The following CASZ1 variants were observed in gnomAD, a reference collection of about 807,000 sequenced individuals.
CASZ1 encodes castor zinc finger 1.
Under a neutral mutation model 135.2 loss-of-function variants are expected in CASZ1, and 28 were observed. The ratio of observed to expected loss-of-function variants is 0.21; its 90% CI spans 0.15 to 0.28. The LOEUF (loss-of-function observed/expected upper bound fraction) is 0.28. Among genes scored for constraint, CASZ1 ranks in the 10% least tolerant of loss-of-function variants. The pLI, the probability that CASZ1 is intolerant of heterozygous loss-of-function variation, is 1.00. For missense variants in CASZ1, 2,161 were observed against 2,453.3 expected (o/e 0.88, Z 2.52); for synonymous variants, 1,068 against 1,073.4 (o/e 0.99, Z 0.10).
chr1:10,746,003 C>A (rs1640033278), intron 2 of CASZ1, among the ~76,000 whole-genome samples: 1 of 152,246 alleles, frequency 6.6e-6, no homozygotes, highest in South Asian at 2.1e-4. Context: ...TGCCACTAAG[C>A]AGTGCAGAGG....
intron 4 of CASZ1, among the ~76,000 whole-genome samples, chr1:10,673,616 C>T (rs574378754): frequency 5.8e-4 from 88 of 152,318 alleles, no homozygotes; most frequent in Non-Finnish European, 1.0e-3. Flanking sequence ...TACCCATGCA[C>T]GCAGTCAAAG....
Position 10,774,558 on chromosome 1 carries a change from C to G in CASZ1, c.-233-13701G>C, listed in dbSNP as rs1389761316. 1.4e-4 allele frequency among the ~76,000 whole-genome samples: 3 copies of G among 21,050 alleles called. No homozygotes were observed. The highest frequency in any genetic ancestry group is 3.1e-4 in the African/African-American group (3 of 9,704). The allele number at this position is 21,050 out of a possible 152,430, so 13.8% of individuals were successfully genotyped here. A position where few individuals can be genotyped will look rare whatever the true frequency, so the allele number is the denominator to read the frequency against. ...TGATCCCAAGAAATCCCATCCATAGCCCCCCCGATCCAAAAGGATCACCAG... is the reference window on the plus strand; with the variant it reads ...TGATCCCAAGAAATCCCATCCATAGGCCCCCCGATCCAAAAGGATCACCAG... On this transcript the variant is annotated intron_variant, in intron 1 of 20. Coordinates refer to ENST00000377022, the MANE Select transcript of CASZ1 (RefSeq NM_001079843.3). This position sits in a 1 kb window ranked among gnomAD's most constrained non-coding sequence, Gnocchi z 4.4.
At position 10,741,020 on chromosome 1, in the gene CASZ1, T is replaced by A. The variant is rs565984533; in HGVS notation, c.-77+19681A>T. The stretch of plus-strand genomic sequence containing the variant: ...AACACTTAGATTTTTTTTTTGACAG[T>A]CTTACTCTGTTGCCTAGGCTGGAGA... On this transcript the variant is annotated intron_variant, in intron 2 of 20. Transcript: ENST00000377022. The surrounding 1 kb of genome is among the most constrained non-coding windows in gnomAD (Gnocchi z 5.0). Among the ~76,000 whole-genome samples, 13 of 146,506 alleles carry A rather than the reference T, an allele frequency of 8.9e-5. No individual in the cohort carries two copies. In the South Asian group the frequency reaches 2.8e-3, roughly 32 times the overall value.
At chr1:10,644,690 C>T (rs560015866) in intron 18 of CASZ1, among the ~76,000 whole-genome samples, 85 of 152,314 alleles carry the variant, frequency 5.6e-4, no homozygotes, top group South Asian at 1.9e-3. Flanking sequence ...GGTGGAGGGG[C>T]GGTGCCCTGC....
At position 10,647,845 on chromosome 1, in the gene CASZ1, G is replaced by A. The variant is rs757289237; in HGVS notation, c.3453C>T (p.Asn1151=). 6.2e-6 allele frequency: 10 copies of A among 1,613,932 alleles called. No individual in the cohort carries two copies. Among genetic ancestry groups the A allele is most frequent in the East Asian group, 2.2e-5 (1 of 44,884 alleles). ...ASPLATTSLE[N]AKPQVKPGFL... is the part of the protein sequence containing the mutation. ...ATCCGGGTTTGACCTGGGGCTTGGC[G>A]TTCTCTAGAGAAGTCGTTGCCAAGG... The change falls in exon 16 of 21, where the codon AAC becomes AAT. Residue 1151 remains asparagine, a synonymous_variant. Coordinates refer to ENST00000377022, the MANE Select transcript of CASZ1 (RefSeq NM_001079843.3). The surrounding 1 kb of genome is among the most constrained non-coding windows in gnomAD (Gnocchi z 4.9).
rs1189812210 is a variant in CASZ1, at chr1:10,649,685, G to A, written c.2881-248C>T. ...GCTCCTCCACATGAGCCCGTGCCGC[G>A]GGATCCATCACTCAAGCCGAGGCCG... is the stretch of plus-strand genomic sequence containing the variant. On this transcript the variant is annotated intron_variant, in intron 13 of 20. Transcript: ENST00000377022. 52 of 480,054 alleles carry A rather than the reference G, an allele frequency of 1.1e-4. No individual in the cohort carries two copies. In the East Asian group the frequency reaches 1.2e-3, roughly 11 times the overall value. The allele number at this position is 480,054 out of a possible 1,614,324, so 29.7% of individuals were successfully genotyped here. A position where few individuals can be genotyped will look rare whatever the true frequency, so the allele number is the denominator to read the frequency against.
At chr1:10,732,814 G>C (rs1557538803) in intron 2 of CASZ1, among the ~76,000 whole-genome samples, 1 of 152,214 alleles carries the variant, frequency 6.6e-6, no homozygotes, top group East Asian at 1.9e-4. Flanking sequence ...TGCCCCATCA[G>C]GGCATAAGGA....
chr1:10,646,058 T>C lies in CASZ1; in HGVS notation c.3696+70A>G. On this transcript the variant is annotated intron_variant, in intron 17 of 20. Transcript: ENST00000377022. This position sits in a 1 kb window ranked among gnomAD's most constrained non-coding sequence, Gnocchi z 6.4. ...AGCCTCTGCCAGGAGGTGACTGTCCTGTGCCCTGAGCTAGCCCTGCACCTC... is the reference window on the plus strand; with the variant it reads ...AGCCTCTGCCAGGAGGTGACTGTCCCGTGCCCTGAGCTAGCCCTGCACCTC... 1 of 1,461,578 alleles carries C rather than the reference T, an allele frequency of 6.8e-7. No homozygotes were observed. The highest frequency in any genetic ancestry group is 1.2e-5 in the South Asian group (1 of 86,766). The allele number at this position is 1,461,578 out of a possible 1,614,324, so 90.5% of individuals were successfully genotyped here.
rs1203960828 is a variant in CASZ1, at chr1:10,721,420, T to C, written c.-76-15876A>G. ...GCAGGAGAGGATTTATTTGTGACAT[T>C]CTGTCTGGGTGAGAGAAAACAAAAA... On this transcript the variant is annotated intron_variant, in intron 2 of 20. Transcript: ENST00000377022. This position sits in a 1 kb window ranked among gnomAD's most constrained non-coding sequence, Gnocchi z 5.4. 6.6e-6 allele frequency among the ~76,000 whole-genome samples: 1 copy of C among 152,252 alleles called. No homozygotes were observed. Among genetic ancestry groups the C allele is most frequent in the Admixed American group, 6.5e-5 (1 of 15,292 alleles).
Position 10,735,245 on chromosome 1 carries a change from T to G in CASZ1, c.-77+25456A>C, listed in dbSNP as rs1358692715. ...TTACATCTCAAATTAACAATGCAAG[T>G]GTGGTGAAATTAAATATAAATCATA... On this transcript the variant is annotated intron_variant, in intron 2 of 20. Transcript: ENST00000377022. This position sits in a 1 kb window ranked among gnomAD's most constrained non-coding sequence, Gnocchi z 5.1. Among the ~76,000 whole-genome samples the G allele has an allele frequency of 6.6e-6, 1 of 152,158 alleles. No homozygotes were observed.
In CASZ1 at chr1:10,657,741, G is replaced by A. The variant is rs939019338; in HGVS notation, c.1409+767C>T. Among the ~76,000 whole-genome samples the A allele has an allele frequency of 6.7e-6, 1 of 149,240 alleles. No homozygotes were observed. The highest frequency in any genetic ancestry group is 2.5e-5 in the African/African-American group (1 of 40,340). Reference sequence around the variant, plus strand: ...CGGGCGGGAGGAACCTGGAAGATCTGCGGACAGACAGGCGCCAGCCGCTGG... The same window carrying A: ...CGGGCGGGAGGAACCTGGAAGATCTACGGACAGACAGGCGCCAGCCGCTGG... On this transcript the variant is annotated intron_variant, in intron 7 of 20. Coordinates refer to ENST00000377022, the MANE Select transcript of CASZ1 (RefSeq NM_001079843.3). This position sits in a 1 kb window ranked among gnomAD's most constrained non-coding sequence, Gnocchi z 5.7.
chr1:10,766,001 C>T (rs1339488233), intron 1 of CASZ1, among the ~76,000 whole-genome samples: 3 of 152,144 alleles, frequency 2.0e-5, no homozygotes, highest in East Asian at 1.9e-4. Flanking sequence ...CAGAGGGAGA[C>T]GGATATCCAT....
intron 6 of CASZ1, among the ~76,000 whole-genome samples, chr1:10,658,890 G>T (rs1642899296): frequency 6.6e-6 from 1 of 152,206 alleles, no homozygotes; most frequent in Non-Finnish European, 1.5e-5. Context: ...TGGCTGAGGG[G>T]CACCAGGCCT....
Position 10,727,632 on chromosome 1 carries a change from A to G in CASZ1, c.-76-22088T>C, listed in dbSNP as rs112222136. ...CTTTCCCAAGGTGCCAGGAGTTACA[A>G]TAGGAACTTCTGCCTTCCCACCATG... On this transcript the variant is annotated intron_variant, in intron 2 of 20. Transcript: ENST00000377022. The surrounding 1 kb of genome is among the most constrained non-coding windows in gnomAD (Gnocchi z 5.3). Among the ~76,000 whole-genome samples the G allele has an allele frequency of 5.9e-5, 9 of 152,290 alleles. 1 individual carries two copies. Among genetic ancestry groups the G allele is most frequent in the East Asian group, 3.9e-4 (2 of 5,166 alleles).
intron 2 of CASZ1, among the ~76,000 whole-genome samples, chr1:10,745,882 C>G (rs1362491685): frequency 6.6e-6 from 1 of 152,212 alleles, no homozygotes; most frequent in Admixed American, 6.5e-5. Flanking sequence ...TGATCATGAG[C>G]TCCTATTCAA....
chr1:10,752,699 C>T (rs962183640), intron 2 of CASZ1, among the ~76,000 whole-genome samples: 1 of 152,192 alleles, frequency 6.6e-6, no homozygotes, highest in African/African-American at 2.4e-5. Flanking sequence ...TTAGGGCTGC[C>T]AGAGAAAATA....
chr1:10,770,304 T>C (rs1380157901), intron 1 of CASZ1, among the ~76,000 whole-genome samples: 2 of 152,068 alleles, frequency 1.3e-5, no homozygotes, highest in Non-Finnish European at 2.9e-5. Flanking sequence ...AGGAGTTTCT[T>C]GAACTCCTGA....
Position 10,794,181 on chromosome 1 carries a change from G to A in CASZ1, c.-234+2383C>T, listed in dbSNP as rs113686645. Among the ~76,000 whole-genome samples, 3 of 138,132 alleles carry A rather than the reference G, an allele frequency of 2.2e-5. No individual in the cohort carries two copies. The highest frequency in any genetic ancestry group is 1.0e-4 in the African/African-American group (3 of 29,504). The allele number at this position is 138,132 out of a possible 152,430, so 90.6% of individuals were successfully genotyped here. The stretch of plus-strand genomic sequence containing the variant: ...TGCGTGTTTGTATGTGTATGCGTGT[G>A]TGTGTGTGTGTGTGTGTGCGCGCGC... On this transcript the variant is annotated intron_variant, in intron 1 of 20. Coordinates refer to ENST00000377022, the MANE Select transcript of CASZ1 (RefSeq NM_001079843.3). This position sits in a 1 kb window ranked among gnomAD's most constrained non-coding sequence, Gnocchi z 5.6.
In CASZ1 at chr1:10,694,644, G is replaced by C. The variant is rs1638879080; in HGVS notation, c.-23-732C>G. Among the ~76,000 whole-genome samples the C allele has an allele frequency of 7.0e-6, 1 of 143,098 alleles. No individual in the cohort carries two copies. Among genetic ancestry groups the C allele is most frequent in the African/African-American group, 2.5e-5 (1 of 39,774 alleles). The allele number at this position is 143,098 out of a possible 152,430, so 93.9% of individuals were successfully genotyped here. ...CGCCCGGTGCGCCCGCCCGCCGCCC[G>C]CCGCCCGGTGCCGGAGTGAATGGGC... On this transcript the variant is annotated intron_variant, in intron 3 of 20. Coordinates refer to ENST00000377022, the MANE Select transcript of CASZ1 (RefSeq NM_001079843.3). The surrounding 1 kb of genome is among the most constrained non-coding windows in gnomAD (Gnocchi z 6.6).
Sources: gnomAD v4.1 joint callset for allele counts (sites outside exome capture counted in the v4.1 genomes callset) on GRCh38, gnomAD v4.1.1 for gene constraint, Gnocchi (gnomAD v3.1) non-coding constraint, MANE v1.5 for transcripts, NCBI Gene and HGNC (gene_info 2026-07-23, HGNC 2026-07-21) for gene names.